The following ZFAT variants were observed in gnomAD, a reference collection of about 807,000 sequenced individuals.
ZFAT encodes the protein zinc finger protein ZFAT.
Under a neutral mutation model 117.7 loss-of-function variants are expected in ZFAT, and 64 were observed. The ratio of observed to expected loss-of-function variants is 0.54; its 90% CI spans 0.44 to 0.67. The LOEUF (loss-of-function observed/expected upper bound fraction) is 0.67, where lower values mean the gene tolerates loss of function less well. Among genes scored for constraint, ZFAT ranks in the 30% least tolerant of loss-of-function variants. ZFAT has a pLI of 0.00. For missense variants in ZFAT, 1,433 were observed against 1,584.5 expected, an observed-to-expected ratio of 0.90 and a Z score of 1.62; for synonymous variants, 679 against 615.0, an observed-to-expected ratio of 1.10 and a Z score of -1.54.
At chr8:134,643,865 G>C (rs541449480) in intron 2 of ZFAT, among the ~76,000 whole-genome samples, 1 of 152,208 alleles carries the variant, frequency 6.6e-6, no homozygotes, top group South Asian at 2.1e-4. Flanking sequence ...TCCAGGAATG[G>C]AGCCTAAGTC....
At chr8:134,696,920 A>ATT (rs35879552) in intron 1 of ZFAT, among the ~76,000 whole-genome samples, 18,115 of 144,618 alleles carry the variant, frequency 0.13, 1,206 homozygotes, top group Non-Finnish European at 0.16. Flanking sequence ...TAATCCAACA[A>ATT]TTTTTTTTTT....
intron 11 of ZFAT, chr8:134,564,922 A>G: frequency 8.3e-7 from 1 of 1,201,610 alleles, no homozygotes; most frequent in South Asian, 1.5e-5. Context: ...CCCGAACACA[A>G]TCTCCAGTTT....
At chr8:134,570,145 C>T (rs542111630) in intron 10 of ZFAT, among the ~76,000 whole-genome samples, 2 of 152,252 alleles carry the variant, frequency 1.3e-5, no homozygotes, top group East Asian at 3.9e-4. Flanking sequence ...GTTCCCAGAG[C>T]CCGGGGTGTC....
chr8:134,491,706 C>T (rs928612344), intron 15 of ZFAT, among the ~76,000 whole-genome samples: 111 of 152,348 alleles, frequency 7.3e-4, no homozygotes, highest in African/African-American at 2.5e-3. Context: ...TCTGACCCTA[C>T]TGCCTTCCTC....
intron 11 of ZFAT, among the ~76,000 whole-genome samples, chr8:134,534,982 C>A (rs1821725845): frequency 6.6e-6 from 1 of 152,154 alleles, no homozygotes; most frequent in South Asian, 2.1e-4. Flanking sequence ...CCTGGGGATG[C>A]CCCCTGCTCA....
chr8:134,748,690 A>G, the ZFAT span, among the ~76,000 whole-genome samples: 14 of 152,334 alleles, frequency 9.2e-5, no homozygotes, highest in South Asian at 2.7e-3. Flanking sequence ...CATCAGGATT[A>G]TGAGTTTCTA....
intron 11 of ZFAT, among the ~76,000 whole-genome samples, chr8:134,534,286 T>C (rs1821652879): frequency 6.6e-6 from 1 of 152,222 alleles, no homozygotes; most frequent in Non-Finnish European, 1.5e-5. Flanking sequence ...ATCACAATTC[T>C]TACTGTGCAT....
rs146688011 is a variant in ZFAT, at chr8:134,557,541, G to T, written c.2976+7792C>A. On this transcript the variant is annotated intron_variant, in intron 11 of 15. Transcript: ENST00000377838. ...TTAGATGGTAACAACAGGGGAAACT[G>T]GGTGTGGGGTATATAGAAACTCTCT... is the stretch of plus-strand genomic sequence containing the variant. Among the ~76,000 whole-genome samples the T allele has an allele frequency of 5.3e-3, 813 of 152,280 alleles. 6 individuals carry two copies. The highest frequency in any genetic ancestry group is 0.019 in the African/African-American group (782 of 41,552).
the ZFAT span, among the ~76,000 whole-genome samples, chr8:134,787,419 T>C: frequency 1.3e-5 from 2 of 152,322 alleles, no homozygotes; most frequent in East Asian, 3.9e-4. Flanking sequence ...ACCATTACAA[T>C]AGTTTCTCTT....
At chr8:134,736,399 G>A in the ZFAT span, among the ~76,000 whole-genome samples, 1 of 152,146 alleles carries the variant, frequency 6.6e-6, no homozygotes, top group African/African-American at 2.4e-5. Context: ...ATCAGGGTGT[G>A]ACATGGTGGC....
intron 11 of ZFAT, among the ~76,000 whole-genome samples, chr8:134,554,145 C>A (rs1245444055): frequency 6.6e-6 from 1 of 152,222 alleles, no homozygotes; most frequent in African/African-American, 2.4e-5. Flanking sequence ...GTCTCAGTCA[C>A]CCTCCTTGCT....
chr8:134,643,760 T>C (rs1397201414), intron 2 of ZFAT, among the ~76,000 whole-genome samples: 1 of 152,208 alleles, frequency 6.6e-6, no homozygotes, highest in Non-Finnish European at 1.5e-5. Flanking sequence ...AAACAGCTCC[T>C]GTTACTAGCT....
chr8:134,505,179 C>T (rs1819301078), intron 15 of ZFAT, among the ~76,000 whole-genome samples: 1 of 152,122 alleles, frequency 6.6e-6, no homozygotes, highest in South Asian at 2.1e-4. Flanking sequence ...GGCTATCTAC[C>T]CCAATTAAAA....
chr8:134,733,556 C>T, the ZFAT span, among the ~76,000 whole-genome samples: 4,507 of 152,336 alleles, frequency 0.03, 222 homozygotes, highest in African/African-American at 0.1. Context: ...TTCACCCCAA[C>T]AAACTGGCCT....
At chr8:134,677,559 C>G (rs1191043663) in intron 1 of ZFAT, among the ~76,000 whole-genome samples, 1 of 152,058 alleles carries the variant, frequency 6.6e-6, no homozygotes, top group Non-Finnish European at 1.5e-5. Flanking sequence ...TTCCAAACAA[C>G]AGAAAAAGAG....
intron 10 of ZFAT, 186 bp from the exon 11 acceptor site, chr8:134,565,607 T>TGGAGAGGCACTCCCCAGGGAG (rs768664939): frequency 5.7e-6 from 4 of 702,734 alleles, no homozygotes; most frequent in Non-Finnish European, 7.6e-6. Flanking sequence ...CAGGTGGGAG[T>TGGAGAGGCACTCCCCAGGGAG]GGAGAGGCAC....
At chr8:134,743,444 A>G in the ZFAT span, among the ~76,000 whole-genome samples, 1 of 152,116 alleles carries the variant, frequency 6.6e-6, no homozygotes, top group Non-Finnish European at 1.5e-5. Flanking sequence ...AGCTGAGATC[A>G]CACCATTGCA....
intron 10 of ZFAT, among the ~76,000 whole-genome samples, chr8:134,575,103 A>C (rs897103352): frequency 6.6e-6 from 1 of 152,208 alleles, no homozygotes; most frequent in Non-Finnish European, 1.5e-5. Context: ...TGGGTACATG[A>C]GCTGACATCC....
In ZFAT at chr8:134,525,962, T is replaced by C. The variant is rs115447638; in HGVS notation, c.3116-4961A>G. ...ACTTCATTTTTAACTTCCTTTGTTA[T>C]TGCTTTTTTAAATCAGATAAAATCA... On this transcript the variant is annotated intron_variant, in intron 12 of 15. Transcript: ENST00000377838. 4.7e-3 allele frequency among the ~76,000 whole-genome samples: 719 copies of C among 152,374 alleles called. 4 individuals are homozygous for C. Among genetic ancestry groups the C allele is most frequent in the African/African-American group, 0.017 (694 of 41,586 alleles).
Sources: allele counts gnomAD v4.1 joint callset (sites outside exome capture counted in the v4.1 genomes callset), GRCh38; gene constraint gnomAD v4.1.1; transcripts MANE v1.5; gene names NCBI Gene and HGNC (gene_info 2026-07-23, HGNC 2026-07-21).